Variants in MYO18A observed in about 807,000 individuals in gnomAD.
The protein encoded by MYO18A is unconventional myosin-XVIIIa.
A neutral mutation model predicts 235.8 loss-of-function variants in MYO18A; 78 were observed. The ratio of observed to expected loss-of-function variants is 0.33; its 90% CI spans 0.28 to 0.40. The LOEUF is 0.40. Among genes scored for constraint, MYO18A ranks in the 10% least tolerant of loss-of-function variants. The pLI is 1.00. For synonymous variants in MYO18A, 977 were observed against 1,077.8 expected (o/e 0.91, Z 1.83); for missense variants, 2,215 against 2,699.3 (o/e 0.82, Z 3.98).
At chr17:29,171,368 C>T (rs1414683467) in intron 1 of MYO18A, among the ~76,000 whole-genome samples, 6 of 151,862 alleles carry the variant, frequency 4.0e-5, no homozygotes, top group Admixed American at 6.6e-5. Flanking sequence ...ACCTGGGAGG[C>T]GGAGGTTGCA....
At chr17:29,077,860 T>G (rs372994390) in intron 41 of MYO18A, 1 of 152,276 alleles carries the variant, frequency 6.6e-6, no homozygotes, top group Non-Finnish European at 1.5e-5. Flanking sequence ...CATGTCCATC[T>G]GGGGGTAGAG....
chr17:29,131,513 G>T, intron 2 of MYO18A: 1 of 796,270 alleles, frequency 1.3e-6, no homozygotes, highest in Non-Finnish European at 1.5e-6. Flanking sequence ...CACAGGGAGA[G>T]AACATTCAAG....
At chr17:29,115,185 C>G in intron 13 of MYO18A, 86 bp from the exon 14 acceptor site, 1 of 1,475,828 alleles carries the variant, frequency 6.8e-7, no homozygotes, top group South Asian at 1.3e-5. Context: ...GACCTCTATC[C>G]CTGCCCAGGA....
Position 29,074,700 on chromosome 17 carries a change from C to G in MYO18A, c.*70G>C, listed in dbSNP as rs1404446149. 6 of 1,563,450 alleles carry G rather than the reference C, an allele frequency of 3.8e-6. No individual in the cohort carries two copies. The highest frequency in any genetic ancestry group is 1.7e-5 in the Admixed American group (1 of 59,294). ...CGGGTGGGGGAGACCGGTGCCCCAC[C>G]ACTTCCTGGGAGAGGTGCCCAGGCA... On this transcript the variant is annotated 3_prime_UTR_variant, in exon 42 of 42. Coordinates refer to ENST00000527372, the MANE Select transcript of MYO18A (RefSeq NM_078471.4). The surrounding 1 kb of genome is among the most constrained non-coding windows in gnomAD (Gnocchi z 4.4).
Position 29,140,486 on chromosome 17 carries a change from C to G in MYO18A, c.1000-18233G>C. 8.7e-7 allele frequency: 1 copy of G among 1,151,876 alleles called. No homozygotes were observed. Among genetic ancestry groups the G allele is most frequent in the Admixed American group, 3.8e-5 (1 of 26,596 alleles). The allele number at this position is 1,151,876 out of a possible 1,614,324, so 71.4% of individuals were successfully genotyped here. ...GCCCCTCCCGTCCCGAGCTGCCCAG[C>G]CCTAGTTGGAGCCAGCAGCCCGGAG... On this transcript the variant is annotated intron_variant, in intron 2 of 41. Coordinates refer to ENST00000527372, the MANE Select transcript of MYO18A (RefSeq NM_078471.4). The surrounding 1 kb of genome is among the most constrained non-coding windows in gnomAD (Gnocchi z 4.2).
chr17:29,087,792 T>A (rs2066291791), intron 37 of MYO18A, among the ~76,000 whole-genome samples: 1 of 151,738 alleles, frequency 6.6e-6, no homozygotes, highest in Non-Finnish European at 1.5e-5. Context: ...GGGCCGTTTG[T>A]GTTTAACATC....
chr17:29,089,506 CA>C (rs1404587873), intron 37 of MYO18A, among the ~76,000 whole-genome samples: 2 of 137,864 alleles, frequency 1.5e-5, no homozygotes, highest in South Asian at 2.3e-4. Flanking sequence ...AAAAAAAAAG[CA>C]GAGACAGGAG....
chr17:29,159,392 T>C lies in MYO18A; in HGVS notation c.999+6550A>G, dbSNP rs554080866. Among the ~76,000 whole-genome samples the C allele has an allele frequency of 5.3e-5, 8 of 152,250 alleles. No homozygotes were observed. In the South Asian group the frequency reaches 1.4e-3, roughly 28 times the overall value. ...GAGCCCTCAAGCCAGGATTCTCACA[T>C]GGCGAGACTCAGATGCCAGGGGTGC... On this transcript the variant is annotated intron_variant, in intron 2 of 41. Coordinates refer to ENST00000527372, the MANE Select transcript of MYO18A (RefSeq NM_078471.4).
chr17:29,155,374 G>A (rs1391242332), intron 2 of MYO18A: 2 of 152,584 alleles, frequency 1.3e-5, no homozygotes, highest in South Asian at 2.1e-4. Flanking sequence ...CCCAGGGCCG[G>A]GGCAGCCTCA....
chr17:29,093,462 C>CT lies in MYO18A; in HGVS notation c.4822-36dup. The CT allele has an allele frequency of 1.9e-6, 3 of 1,542,598 alleles. No homozygotes were observed. In the South Asian group the frequency reaches 3.4e-5, roughly 17 times the overall value. On this transcript the variant is annotated intron_variant, in intron 31 of 41. Transcript: ENST00000527372. ...CATGGGGACAGAGACCCGTCCGTCC[C>CT]TTTAGTGCCTGGTGCGAAGCAGGCC...
At chr17:29,107,027 A>G (rs1364454373) in intron 20 of MYO18A, 53 bp downstream of exon 20, 3 of 1,536,698 alleles carry the variant, frequency 2.0e-6, no homozygotes, top group Non-Finnish European at 1.8e-6. Context: ...TGGAAAGGGC[A>G]GCTGCTTGAG....
rs2065881011 is a variant in MYO18A, at chr17:29,071,195, G to T, written c.*3575C>A. ...CCATGGGGAGTCCCACAGGGGCACT[G>T]GTTCCCGCCCATGCTTATTCAGGAG... On this transcript the variant is annotated 3_prime_UTR_variant, in exon 42 of 42. Transcript: ENST00000527372. The T allele has an allele frequency of 6.6e-6, 1 of 152,266 alleles. No individual in the cohort carries two copies. Among genetic ancestry groups the T allele is most frequent in the Admixed American group, 6.5e-5 (1 of 15,290 alleles). The allele number at this position is 152,266 out of a possible 1,614,324, so 9.4% of individuals were successfully genotyped here. A position where few individuals can be genotyped will look rare whatever the true frequency, so the allele number is the denominator to read the frequency against.
In MYO18A at chr17:29,128,470, C is replaced by T. The variant is rs74734449; in HGVS notation, c.1000-6217G>A. ...CAGGGCTCCTGGCTCTCTGGGAAGT[C>T]TCTGGGGGTATCGGGCTGGTGGGAG... On this transcript the variant is annotated intron_variant, in intron 2 of 41. Transcript: ENST00000527372. 4.0e-3 allele frequency: 5,204 copies of T among 1,288,964 alleles called. 172 individuals are homozygous for T. In the African/African-American group the frequency reaches 0.071, roughly 18 times the overall value. 79.8% of individuals were successfully genotyped at this position (1,288,964 alleles called of 1,614,324 possible).
At position 29,171,379 on chromosome 17, in the gene MYO18A, G is replaced by A. The variant is rs138035855; in HGVS notation, c.-81-4358C>T. Among the ~76,000 whole-genome samples, 1,148 of 152,172 alleles carry A rather than the reference G, an allele frequency of 7.5e-3. 12 individuals are homozygous for A. Among genetic ancestry groups the A allele is most frequent in the African/African-American group, 0.027 (1,104 of 41,514 alleles). ...TTGAACCTGGGAGGCGGAGGTTGCAGTGAGCCAAGATGATTGCGCCACTGC... is the reference window on the plus strand; with the variant it reads ...TTGAACCTGGGAGGCGGAGGTTGCAATGAGCCAAGATGATTGCGCCACTGC... On this transcript the variant is annotated intron_variant, in intron 1 of 41. Coordinates refer to ENST00000527372, the MANE Select transcript of MYO18A (RefSeq NM_078471.4).
At chr17:29,143,596 G>T (rs1044579335) in intron 2 of MYO18A, among the ~76,000 whole-genome samples, 4 of 152,136 alleles carry the variant, frequency 2.6e-5, no homozygotes, top group Non-Finnish European at 5.9e-5. Flanking sequence ...GGGAAAAAAT[G>T]AGGCATTGTA....
rs1598252324 is a variant in MYO18A, at chr17:29,074,661, T to C, written c.*109A>G. 1.6e-6 allele frequency: 2 copies of C among 1,243,984 alleles called. No individual in the cohort carries two copies. The allele number at this position is 1,243,984 out of a possible 1,614,324, so 77.1% of individuals were successfully genotyped here. ...CAGAAGAAGGTCAGGGTGTTTCCCA[T>C]GCAGATCAGCAGTCGGGTGGGGGAG... On this transcript the variant is annotated 3_prime_UTR_variant, in exon 42 of 42. Transcript: ENST00000527372. This position sits in a 1 kb window ranked among gnomAD's most constrained non-coding sequence, Gnocchi z 4.4.
intron 7 of MYO18A, 118 bp from the exon 8 acceptor site, chr17:29,119,553 A>ATTTTTTT (rs11349517): frequency 4.6e-6 from 2 of 433,310 alleles, no homozygotes; most frequent in Non-Finnish European, 8.0e-6. Context: ...AAGCAGCTGC[A>ATTTTTTT]TTTTTTTTTT....
chr17:29,178,651 A>G (rs948039192), intron 1 of MYO18A, among the ~76,000 whole-genome samples: 10 of 152,178 alleles, frequency 6.6e-5, no homozygotes, highest in South Asian at 2.1e-4. Context: ...GCCATGGACA[A>G]AGAGCCAGTG....
At chr17:29,162,089 G>A (rs891579096) in intron 2 of MYO18A, among the ~76,000 whole-genome samples, 2 of 152,042 alleles carry the variant, frequency 1.3e-5, no homozygotes, top group African/African-American at 4.8e-5. Flanking sequence ...TCAGTTGCTC[G>A]AGTCTGAGAT....
Sources: gnomAD v4.1 joint callset for allele counts (sites outside exome capture counted in the v4.1 genomes callset) on GRCh38, gnomAD v4.1.1 for gene constraint, Gnocchi (gnomAD v3.1) non-coding constraint, MANE v1.5 for transcripts, NCBI Gene and HGNC (gene_info 2026-07-23, HGNC 2026-07-21) for gene names.